CNTLN: variants seen among roughly 807,000 people sequenced by gnomAD.
CNTLN encodes the protein centlein, centrosomal protein.
Under a neutral mutation model 180.0 loss-of-function variants are expected in CNTLN, and 212 were observed. That is an observed-to-expected ratio of 1.18 (90% CI 1.05 to 1.32). CNTLN has a LOEUF of 1.32. Ranked by LOEUF, CNTLN falls within the 40% of genes most tolerant of loss-of-function variation. The pLI is 0.00. For missense variants in CNTLN, 2,095 were observed against 1,610.9 expected, an observed-to-expected ratio of 1.30 and a Z score of -5.14; for synonymous variants, 722 against 563.1, an observed-to-expected ratio of 1.28 and a Z score of -3.99.
chr9:17,422,188 T>C (rs77493458), intron 18 of CNTLN, among the ~76,000 whole-genome samples: 1,677 of 152,290 alleles, frequency 0.011, 33 homozygotes, highest in African/African-American at 0.038. Flanking sequence ...CGTTCTTTTC[T>C]TTAGCACTTT....
rs778295048 is a variant in CNTLN, at chr9:17,466,868, G to A, written c.3832G>A (p.Glu1278Lys). The A allele has an allele frequency of 1.7e-5, 27 of 1,609,496 alleles. No individual in the cohort carries two copies. Among genetic ancestry groups the A allele is most frequent in the Non-Finnish European group, 2.0e-5 (24 of 1,177,140 alleles). The change falls in exon 23 of 26, where the codon GAA (glutamate) becomes AAA (lysine). Residue 1278 changes from glutamate to lysine, a missense_variant. Coordinates refer to ENST00000380647, the MANE Select transcript of CNTLN (RefSeq NM_017738.4). Reference sequence around the variant, plus strand: ...ATTGCTGTTAGCCAATGAAAAAGTAGAAGAGTTCACCACATTTGTGAAGGT... The same window carrying A: ...ATTGCTGTTAGCCAATGAAAAAGTAAAAGAGTTCACCACATTTGTGAAGGT... ...KTLLLANEKV[E>K]EFTTFVKALA...
chr9:17,437,150 G>A (rs921451365), intron 18 of CNTLN, among the ~76,000 whole-genome samples: 1 of 152,180 alleles, frequency 6.6e-6, no homozygotes, highest in African/African-American at 2.4e-5. Context: ...CCCAGGATCA[G>A]AGCTGAGAAT....
At chr9:17,288,423 T>A (rs1281346435) in intron 6 of CNTLN, among the ~76,000 whole-genome samples, 1 of 142,640 alleles carries the variant, frequency 7.0e-6, no homozygotes, top group Non-Finnish European at 1.5e-5. Flanking sequence ...GAACTTTACT[T>A]CCCAGTATGT....
Position 17,457,716 on chromosome 9 carries a change from G to A in CNTLN, c.3306+1G>A, listed in dbSNP as rs753588356. ...GAAGCAATTGCAGTATAAACTAAAG[G>A]TGATTATAAAATTTATTAAGCATGA... On this transcript the variant is annotated splice_donor_variant, in intron 19 of 25. Transcript: ENST00000380647. LOFTEE classifies it high-confidence loss of function. 2 of 1,434,428 alleles carry A rather than the reference G, an allele frequency of 1.4e-6. No individual in the cohort carries two copies. Among genetic ancestry groups the A allele is most frequent in the Admixed American group, 2.3e-5 (1 of 42,782 alleles). The allele number at this position is 1,434,428 out of a possible 1,614,324, so 88.9% of individuals were successfully genotyped here.
chr9:17,475,352 A>T (rs1238682738), intron 23 of CNTLN, among the ~76,000 whole-genome samples: 1 of 152,012 alleles, frequency 6.6e-6, no homozygotes. Flanking sequence ...GGGTATGAGA[A>T]ACTCTAGATA....
intron 22 of CNTLN, 117 bp from the exon 23 acceptor site, chr9:17,466,588 CA>C: frequency 1.3e-6 from 1 of 763,172 alleles, no homozygotes; most frequent in South Asian, 2.2e-5. Flanking sequence ...TAATTTTACC[CA>C]AATAATAAAT....
chr9:17,267,503 G>A (rs1827567507), intron 5 of CNTLN, among the ~76,000 whole-genome samples: 2 of 151,978 alleles, frequency 1.3e-5, no homozygotes, highest in Admixed American at 6.6e-5. Flanking sequence ...TGGTGAATCT[G>A]ACAATTATGT....
intron 18 of CNTLN, among the ~76,000 whole-genome samples, chr9:17,451,750 T>G (rs1830789986): frequency 6.6e-6 from 1 of 152,206 alleles, no homozygotes; most frequent in African/African-American, 2.4e-5. Flanking sequence ...CATGTTTGGC[T>G]GGATTTACTA....
chr9:17,446,586 A>G (rs1220722254), intron 18 of CNTLN, among the ~76,000 whole-genome samples: 1 of 152,174 alleles, frequency 6.6e-6, no homozygotes, highest in Admixed American at 6.5e-5. Context: ...CTTACTGAGA[A>G]ATTCTTTATC....
the CNTLN span, among the ~76,000 whole-genome samples, chr9:17,523,949 G>A: frequency 3.9e-5 from 6 of 152,184 alleles, no homozygotes; most frequent in East Asian, 1.2e-3. Flanking sequence ...ATTAAGAGCA[G>A]TTTTCACTAA....
chr9:17,265,999 T>G (rs891415594), intron 5 of CNTLN, among the ~76,000 whole-genome samples: 2 of 152,178 alleles, frequency 1.3e-5, no homozygotes, highest in African/African-American at 4.8e-5. Flanking sequence ...GCTCCTGGAT[T>G]CATTAATTTT....
At chr9:17,510,949 A>G in the CNTLN span, among the ~76,000 whole-genome samples, 3 of 152,238 alleles carry the variant, frequency 2.0e-5, no homozygotes, top group African/African-American at 2.4e-5. Context: ...AAGAAACTGC[A>G]AAAGTGTTTT....
intron 13 of CNTLN, among the ~76,000 whole-genome samples, chr9:17,376,179 C>G (rs1372525779): frequency 6.6e-6 from 1 of 152,096 alleles, no homozygotes; most frequent in African/African-American, 2.4e-5. Flanking sequence ...CATTTTATGT[C>G]CTACTCTTGC....
intron 2 of CNTLN, among the ~76,000 whole-genome samples, chr9:17,213,319 T>C (rs1483748550): frequency 6.6e-6 from 1 of 152,230 alleles, no homozygotes; most frequent in African/African-American, 2.4e-5. Context: ...ATGTATCCAG[T>C]AGTCATTCAG....
At chr9:17,522,995 A>T in the CNTLN span, among the ~76,000 whole-genome samples, 1 of 152,198 alleles carries the variant, frequency 6.6e-6, no homozygotes, top group Admixed American at 6.5e-5. Flanking sequence ...CTCCATTTCC[A>T]AAATCACTGA....
At chr9:17,354,136 C>A (rs1033522485) in intron 12 of CNTLN, among the ~76,000 whole-genome samples, 4 of 152,210 alleles carry the variant, frequency 2.6e-5, no homozygotes, top group South Asian at 2.1e-4. Flanking sequence ...ACCGGCGCTG[C>A]GCTCAATTTC....
chr9:17,377,220 T>A (rs1028004760), intron 13 of CNTLN, among the ~76,000 whole-genome samples: 5 of 152,212 alleles, frequency 3.3e-5, no homozygotes, highest in African/African-American at 1.2e-4. Flanking sequence ...ATGAATTCTT[T>A]CTTTTCGTAT....
chr9:17,489,482 A>T (rs1418916902), intron 25 of CNTLN, among the ~76,000 whole-genome samples: 1 of 152,034 alleles, frequency 6.6e-6, no homozygotes, highest in African/African-American at 2.4e-5. Context: ...GCTGTATGTG[A>T]TCAAATCCTG....
At chr9:17,450,423 G>T (rs1564117150) in intron 18 of CNTLN, among the ~76,000 whole-genome samples, 2 of 152,130 alleles carry the variant, frequency 1.3e-5, no homozygotes, top group African/African-American at 4.8e-5. Flanking sequence ...AAAAAAGAAA[G>T]TTCCTCTGAC....
Sources: allele counts gnomAD v4.1 joint callset (sites outside exome capture counted in the v4.1 genomes callset), GRCh38; gene constraint gnomAD v4.1.1; transcripts MANE v1.5; gene names NCBI Gene and HGNC (gene_info 2026-07-23, HGNC 2026-07-21).